The following LUZP2 variants were observed in gnomAD, a reference collection of about 807,000 sequenced individuals.
The protein encoded by LUZP2 is leucine zipper protein 2.
Under a neutral mutation model 51.6 loss-of-function variants are expected in LUZP2, and 52 were observed. The ratio of observed to expected loss-of-function variants is 1.01; its 90% CI spans 0.81 to 1.27. The LOEUF is 1.27. Among genes scored for constraint, LUZP2 ranks in the 50% most tolerant of loss-of-function variants. LUZP2 has a pLI of 0.00. For missense variants in LUZP2, 436 were observed against 395.4 expected (o/e 1.10, Z -0.87); for synonymous variants, 154 against 137.3 (o/e 1.12, Z -0.85).
chr11:24,772,606 C>G (rs1285744676), intron 5 of LUZP2, among the ~76,000 whole-genome samples: 1 of 152,086 alleles, frequency 6.6e-6, no homozygotes, highest in Non-Finnish European at 1.5e-5. Context: ...ATGTGAAGCT[C>G]CCTATAAACT....
At chr11:24,665,303 A>G (rs1007604354) in intron 1 of LUZP2, among the ~76,000 whole-genome samples, 6 of 152,144 alleles carry the variant, frequency 3.9e-5, no homozygotes, top group African/African-American at 1.4e-4. Flanking sequence ...CCTGTACTCC[A>G]TCGTACCTAG....
At chr11:24,865,974 T>A (rs1234386767) in intron 5 of LUZP2, among the ~76,000 whole-genome samples, 1 of 151,694 alleles carries the variant, frequency 6.6e-6, no homozygotes, top group African/African-American at 2.4e-5. Flanking sequence ...CATGCCCAGC[T>A]AATTTTTGTA....
chr11:25,046,159 G>C (rs1858299128), intron 9 of LUZP2, among the ~76,000 whole-genome samples: 1 of 151,342 alleles, frequency 6.6e-6, no homozygotes, highest in Admixed American at 6.6e-5. Flanking sequence ...ATCTTGAATT[G>C]GTCAGGAAAT....
chr11:24,685,806 T>C (rs980965151), intron 1 of LUZP2, among the ~76,000 whole-genome samples: 7 of 152,212 alleles, frequency 4.6e-5, no homozygotes, highest in African/African-American at 1.7e-4. Context: ...CAATTATTTA[T>C]GTTATTTATG....
At chr11:24,764,490 T>TAAAAAAAAAAAAAAAAA (rs869045272) in intron 5 of LUZP2, among the ~76,000 whole-genome samples, 22 of 94,034 alleles carry the variant, frequency 2.3e-4, no homozygotes, top group Non-Finnish European at 3.4e-4. Context: ...ATCTCATCTC[T>TAAAAAAAAAAAAAAAAA]AAAAAAAAAA....
At chr11:24,671,182 T>A (rs951037366) in intron 1 of LUZP2, among the ~76,000 whole-genome samples, 2 of 151,916 alleles carry the variant, frequency 1.3e-5, no homozygotes, top group Admixed American at 1.3e-4. Flanking sequence ...CAAGAAAAAA[T>A]TGGTATTTGC....
intron 1 of LUZP2, among the ~76,000 whole-genome samples, chr11:24,566,579 TATA>T (rs986705014): frequency 7.1e-6 from 1 of 139,932 alleles, no homozygotes; most frequent in Non-Finnish European, 1.5e-5. Flanking sequence ...TCTATACACA[TATA>T]TATGTATGTG....
At chr11:24,953,542 T>C (rs1200327381) in intron 7 of LUZP2, among the ~76,000 whole-genome samples, 1 of 151,972 alleles carries the variant, frequency 6.6e-6, no homozygotes, top group Non-Finnish European at 1.5e-5. Flanking sequence ...AAAGGAGATT[T>C]AGAGGAGGGA....
chr11:24,822,674 T>A (rs981813048), intron 5 of LUZP2, among the ~76,000 whole-genome samples: 3 of 152,194 alleles, frequency 2.0e-5, no homozygotes, highest in Non-Finnish European at 4.4e-5. Flanking sequence ...CATTTCTGCC[T>A]CCCTGACTTG....
intron 5 of LUZP2, among the ~76,000 whole-genome samples, chr11:24,819,733 A>T (rs1259335147): frequency 6.6e-6 from 1 of 151,532 alleles, no homozygotes; most frequent in Non-Finnish European, 1.5e-5. Flanking sequence ...TAATCAAATA[A>T]TTTTTTTCTC....
At chr11:24,847,351 G>A (rs1790012067) in intron 5 of LUZP2, among the ~76,000 whole-genome samples, 1 of 152,022 alleles carries the variant, frequency 6.6e-6, no homozygotes, top group Non-Finnish European at 1.5e-5. Flanking sequence ...GGTACTGAGT[G>A]ATTCCTCAGT....
intron 5 of LUZP2, among the ~76,000 whole-genome samples, chr11:24,847,463 G>A (rs1023372658): frequency 2.6e-5 from 4 of 151,978 alleles, no homozygotes; most frequent in South Asian, 4.1e-4. Flanking sequence ...TATCATGTCC[G>A]TTCTCAGGCC....
At chr11:24,681,302 A>C (rs752700851) in intron 1 of LUZP2, among the ~76,000 whole-genome samples, 4 of 152,248 alleles carry the variant, frequency 2.6e-5, no homozygotes, top group Admixed American at 1.3e-4. Context: ...TTTCTCTAAG[A>C]CCATGTTTCT....
intron 9 of LUZP2, among the ~76,000 whole-genome samples, chr11:25,043,837 T>A (rs1207945075): frequency 6.8e-6 from 1 of 147,424 alleles, no homozygotes; most frequent in Non-Finnish European, 1.5e-5. Flanking sequence ...TGCAGTGTGC[T>A]TTTTGCTTTT....
At chr11:24,772,631 C>T (rs1431629471) in intron 5 of LUZP2, among the ~76,000 whole-genome samples, 1 of 152,102 alleles carries the variant, frequency 6.6e-6, no homozygotes. Context: ...ATATAAGGTT[C>T]TAAGGCTACT....
intron 9 of LUZP2, among the ~76,000 whole-genome samples, chr11:25,023,369 G>A (rs2133977877): frequency 6.6e-6 from 1 of 152,118 alleles, no homozygotes; most frequent in African/African-American, 2.4e-5. Flanking sequence ...GTTTAGTCTT[G>A]GGAGGGTGTA....
intron 4 of LUZP2, among the ~76,000 whole-genome samples, chr11:24,759,954 A>G (rs1386200156): frequency 6.6e-6 from 1 of 152,110 alleles, no homozygotes; most frequent in Non-Finnish European, 1.5e-5. Context: ...GCTTGGTTTT[A>G]TATGTTTTAG....
At chr11:24,602,226 A>G (rs1200082398) in intron 1 of LUZP2, among the ~76,000 whole-genome samples, 2 of 20,992 alleles carry the variant, frequency 9.5e-5, no homozygotes, top group South Asian at 1.4e-3. Flanking sequence ...GTATATATGT[A>G]CATATATGTG....
chr11:24,782,966 C>T (rs1849135392), intron 5 of LUZP2, among the ~76,000 whole-genome samples: 1 of 151,902 alleles, frequency 6.6e-6, no homozygotes, highest in African/African-American at 2.4e-5. Context: ...TTCCAAGTTG[C>T]TTACTTGCAA....
Sources: allele counts gnomAD v4.1 joint callset (sites outside exome capture counted in the v4.1 genomes callset), GRCh38; gene constraint gnomAD v4.1.1; transcripts MANE v1.5; gene names NCBI Gene and HGNC (gene_info 2026-07-23, HGNC 2026-07-21).